Variants in RGPD3 observed in about 807,000 individuals in gnomAD.
RGPD3 encodes the protein RANBP2 like and GRIP domain containing 3.
Under a neutral mutation model 154.5 loss-of-function variants are expected in RGPD3, and 62 were observed. That is an observed-to-expected ratio of 0.40 (90% confidence interval 0.33 to 0.50). RGPD3 has a LOEUF of 0.50. RGPD3 is among the 20% of genes least tolerant of loss of function. The pLI is 0.59. For missense variants in RGPD3, 919 were observed against 1,716.8 expected, an observed-to-expected ratio of 0.54 and a Z score of 8.21; for synonymous variants, 308 against 607.0, an observed-to-expected ratio of 0.51 and a Z score of 7.24.
intron 22 of RGPD3, among the ~76,000 whole-genome samples, chr2:106,412,024 T>G (rs1199771553): frequency 1.4e-5 from 2 of 146,728 alleles, no homozygotes; most frequent in African/African-American, 5.1e-5. Flanking sequence ...AGTCTCTAAC[T>G]CTCCCCTATT....
chr2:106,446,320 C>A (rs1403926068), intron 7 of RGPD3, among the ~76,000 whole-genome samples: 1 of 149,388 alleles, frequency 6.7e-6, no homozygotes, highest in Non-Finnish European at 1.5e-5. Context: ...TAAATCCCAG[C>A]ACTCTGGGAG....
chr2:106,415,631 C>T (rs1258762800), intron 21 of RGPD3, among the ~76,000 whole-genome samples: 1 of 122,158 alleles, frequency 8.2e-6, no homozygotes, highest in African/African-American at 3.2e-5. Context: ...GAGCCGGGAT[C>T]GTGCCACTGC....
At chr2:106,446,661 T>A (rs1364543183) in intron 7 of RGPD3, among the ~76,000 whole-genome samples, 7 of 142,494 alleles carry the variant, frequency 4.9e-5, no homozygotes, top group African/African-American at 1.8e-4. Flanking sequence ...GGCAGGTAGA[T>A]CACGAGGTCA....
chr2:106,431,939 CT>C (rs1410043383), intron 17 of RGPD3, among the ~76,000 whole-genome samples: 9 of 149,074 alleles, frequency 6.0e-5, no homozygotes, highest in African/African-American at 2.2e-4. Flanking sequence ...GCTCAGACCA[CT>C]TTTCAATTCC....
At chr2:106,413,460 G>A (rs1267151607) in intron 21 of RGPD3, among the ~76,000 whole-genome samples, 175 bp from the exon 22 acceptor site, 1 of 151,998 alleles carries the variant, frequency 6.6e-6, no homozygotes, top group Non-Finnish European at 1.5e-5. Context: ...TTTCAAAGGA[G>A]TTTATGACAT....
At chr2:106,441,665 G>A (rs1418502251) in intron 7 of RGPD3, among the ~76,000 whole-genome samples, 1 of 148,750 alleles carries the variant, frequency 6.7e-6, no homozygotes, top group Non-Finnish European at 1.5e-5. Flanking sequence ...GACCAGCCTG[G>A]CCAACATGGT....
chr2:106,411,197 C>A (rs1400828138), intron 22 of RGPD3, among the ~76,000 whole-genome samples: 3 of 140,352 alleles, frequency 2.1e-5, no homozygotes, highest in African/African-American at 7.9e-5. Flanking sequence ...TTGAGGATGA[C>A]TCTTATCAGT....
intron 1 of RGPD3, among the ~76,000 whole-genome samples, chr2:106,463,798 G>A (rs1678476460): frequency 6.6e-6 from 1 of 152,046 alleles, no homozygotes; most frequent in Admixed American, 6.6e-5. Context: ...CACATTTGAG[G>A]GTTTAAGTTG....
In RGPD3 at chr2:106,404,942, C is replaced by T; in HGVS notation, c.*277G>A. ...TATTCTGGCAGCATGCATGGGAGATCACATGAGTTAGAGGGCTGTGGCCTG... is the reference window on the plus strand; with the variant it reads ...TATTCTGGCAGCATGCATGGGAGATTACATGAGTTAGAGGGCTGTGGCCTG... On this transcript the variant is annotated 3_prime_UTR_variant, in exon 23 of 23. Transcript: ENST00000409886. 3.9e-6 allele frequency: 2 copies of T among 515,236 alleles called. No individual in the cohort carries two copies. The highest frequency in any genetic ancestry group is 7.0e-6 in the Non-Finnish European group (2 of 283,918). The allele number at this position is 515,236 out of a possible 1,614,324, so 31.9% of individuals were successfully genotyped here. A position where few individuals can be genotyped will look rare whatever the true frequency, so the allele number is the denominator to read the frequency against.
intron 7 of RGPD3, among the ~76,000 whole-genome samples, chr2:106,443,329 A>T (rs1677815300): frequency 6.6e-6 from 1 of 152,206 alleles, no homozygotes; most frequent in Admixed American, 6.5e-5. Context: ...TTCATAGCAT[A>T]TTCTTAAGAG....
intron 20 of RGPD3, among the ~76,000 whole-genome samples, chr2:106,420,478 A>T (rs901239309): frequency 4.6e-5 from 7 of 152,088 alleles, no homozygotes; most frequent in Non-Finnish European, 1.0e-4. Context: ...ACAGGGAAAC[A>T]TTCTGAGAGC....
Position 106,424,527 on chromosome 2 carries a change from A to G in RGPD3, c.3440T>C (p.Leu1147Ser), listed in dbSNP as rs1297432212. ...FSDGDAKLERLAAKFKTPELA... is the reference protein window; with the variant it reads ...FSDGDAKLERSAAKFKTPELA... ...CTCTGGTGTTTTAAATTTTGCTGCC[A>G]ATCGCTCTAGTTTGGCATCACCATC... The change falls in exon 20 of 23, where the codon TTG (leucine) becomes TCG (serine). Residue 1147 changes from leucine (L) to serine (S), a missense_variant. Physicochemically the swap from Leu to Ser is moderately radical, Grantham distance 145 (BLOSUM62 -2). Coordinates refer to ENST00000409886, the MANE Select transcript of RGPD3 (RefSeq NM_001144013.2). The G allele has an allele frequency of 6.2e-7, 1 of 1,606,792 alleles. No homozygotes were observed. Among genetic ancestry groups the G allele is most frequent in the East Asian group, 2.3e-5 (1 of 44,256 alleles).
chr2:106,405,008 A>T lies in RGPD3; in HGVS notation c.*211T>A, dbSNP rs1482696692. 1.5e-6 allele frequency: 1 copy of T among 684,480 alleles called. No individual in the cohort carries two copies. The highest frequency in any genetic ancestry group is 2.5e-6 in the Non-Finnish European group (1 of 407,756). 42.4% of individuals were successfully genotyped at this position (684,480 alleles called of 1,614,324 possible). A position where few individuals can be genotyped will look rare whatever the true frequency, so the allele number is the denominator to read the frequency against. On this transcript the variant is annotated 3_prime_UTR_variant, in exon 23 of 23. Coordinates refer to ENST00000409886, the MANE Select transcript of RGPD3 (RefSeq NM_001144013.2). ...GCTGTTGTACTTTTACTTCAAGTTG[A>T]AACTTTTAAAATACATCTGTCATAT...
At chr2:106,415,799 C>A in intron 21 of RGPD3, 51 bp downstream of exon 21, 1 of 1,610,718 alleles carries the variant, frequency 6.2e-7, no homozygotes, top group Non-Finnish European at 8.5e-7. Flanking sequence ...TATGGAGGGT[C>A]CAGAAAACCA....
At chr2:106,469,780 C>T (rs1678766742), upstream of RGPD3, among the ~76,000 whole-genome samples, 1 of 152,190 alleles carries the variant, frequency 6.6e-6, no homozygotes, top group Non-Finnish European at 1.5e-5. Flanking sequence ...ACTGCCCTAG[C>T]TCAGACCCTC....
intron 22 of RGPD3, 173 bp downstream of exon 22, chr2:106,412,911 T>C: frequency 1.1e-5 from 7 of 658,626 alleles, no homozygotes; most frequent in Non-Finnish European, 1.5e-5. Flanking sequence ...GTACTACATT[T>C]GCCTCAAGAT....
At chr2:106,462,444 C>T (rs574952173) in intron 1 of RGPD3, among the ~76,000 whole-genome samples, 1,539 of 150,626 alleles carry the variant, frequency 0.01, 30 homozygotes, top group African/African-American at 0.035. Context: ...GTTATGTAAA[C>T]AGGACAATAT....
intron 7 of RGPD3, 45 bp from the exon 8 acceptor site, chr2:106,441,425 C>T: frequency 5.8e-6 from 6 of 1,025,960 alleles, no homozygotes; most frequent in African/African-American, 3.3e-5. Context: ...GATACCCATA[C>T]TTCTAATAGT....
chr2:106,420,257 T>C (rs1318572133), intron 20 of RGPD3, among the ~76,000 whole-genome samples: 2 of 145,210 alleles, frequency 1.4e-5, no homozygotes, highest in African/African-American at 5.1e-5. Context: ...TGTTACTCTA[T>C]GGGTAGCTAA....
Sources: allele counts gnomAD v4.1 joint callset (sites outside exome capture counted in the v4.1 genomes callset), GRCh38; gene constraint gnomAD v4.1.1; transcripts MANE v1.5; gene names NCBI Gene and HGNC (gene_info 2026-07-23, HGNC 2026-07-21).